CADM2: variants seen among roughly 807,000 people sequenced by gnomAD.
The protein encoded by CADM2 is immunoglobulin superfamily member 4D.
A neutral mutation model predicts 49.8 loss-of-function variants in CADM2; 12 were observed. The ratio of observed to expected loss-of-function variants is 0.24; its 90% CI spans 0.15 to 0.39. The LOEUF is 0.39. Among genes scored for constraint, CADM2 ranks in the 10% least tolerant of loss-of-function variants. The probability of loss-of-function intolerance (pLI) is 1.00; values close to 1 mark genes in which losing one functional copy is unlikely to be tolerated. For missense variants in CADM2, 378 were observed against 492.3 expected (o/e 0.77, Z 2.20); for synonymous variants, 214 against 175.4 (o/e 1.22, Z -1.74).
chr3:85,387,596 T>C (rs892445411), intron 1 of CADM2, among the ~76,000 whole-genome samples: 1 of 152,194 alleles, frequency 6.6e-6, no homozygotes, highest in Non-Finnish European at 1.5e-5. Flanking sequence ...TTCTCTGAAA[T>C]GGAAAATTTA....
At chr3:85,057,087 G>C (rs1478529548) in intron 1 of CADM2, among the ~76,000 whole-genome samples, 2 of 152,088 alleles carry the variant, frequency 1.3e-5, no homozygotes, top group African/African-American at 4.8e-5. Flanking sequence ...TGTTATAAAT[G>C]AACAGAATAT....
intron 1 of CADM2, among the ~76,000 whole-genome samples, chr3:85,219,917 A>G (rs1327967787): frequency 6.6e-6 from 1 of 152,164 alleles, no homozygotes. Context: ...TCTTAAATTT[A>G]TTTTAAGCTT....
intron 1 of CADM2, among the ~76,000 whole-genome samples, chr3:85,053,518 CTG>C (rs2035964764): frequency 6.6e-6 from 1 of 151,822 alleles, no homozygotes; most frequent in South Asian, 2.1e-4. Context: ...ACTTAAGGCT[CTG>C]TGGTGAAAAA....
chr3:85,427,200 A>ATATATATATT lies in CADM2; in HGVS notation c.62-299321_62-299320insATATATATTT, dbSNP rs1491378560. On this transcript the variant is annotated intron_variant, in intron 1 of 9. Coordinates refer to ENST00000383699, the MANE Select transcript of CADM2 (RefSeq NM_001167675.2). ...TATATATATATATATATATATATAT[A>ATATATATATT]TGTATAATAAGTTTGTAGCTACCAT... Among the ~76,000 whole-genome samples the ATATATATATT allele has an allele frequency of 4.3e-4, 54 of 126,600 alleles. No individual in the cohort carries two copies. In the East Asian group the frequency reaches 4.4e-3, roughly 10 times the overall value. 83.1% of individuals were successfully genotyped at this position (126,600 alleles called of 152,430 possible).
intron 1 of CADM2, among the ~76,000 whole-genome samples, chr3:85,274,208 GT>G (rs2043307390): frequency 6.6e-6 from 1 of 150,792 alleles, no homozygotes; most frequent in Admixed American, 6.7e-5. Flanking sequence ...TTTTTGAGGA[GT>G]TTTGATGAGA....
intron 2 of CADM2, among the ~76,000 whole-genome samples, chr3:85,789,791 C>T (rs536821221): frequency 3.9e-5 from 6 of 152,102 alleles, no homozygotes; most frequent in African/African-American, 1.4e-4. Flanking sequence ...GCCATATATT[C>T]GTATTTATTC....
At chr3:85,488,575 A>T (rs1056895111) in intron 1 of CADM2, among the ~76,000 whole-genome samples, 1 of 152,012 alleles carries the variant, frequency 6.6e-6, no homozygotes, top group African/African-American at 2.4e-5. Flanking sequence ...CTCTGTCACC[A>T]GGCTGGAGTG....
At chr3:85,269,851 T>A (rs2043199210) in intron 1 of CADM2, among the ~76,000 whole-genome samples, 1 of 151,426 alleles carries the variant, frequency 6.6e-6, no homozygotes, top group Non-Finnish European at 1.5e-5. Context: ...TTTTTGTTTT[T>A]TGTTTTATCT....
chr3:85,968,681 C>T (rs1489006975), intron 8 of CADM2, among the ~76,000 whole-genome samples: 4 of 151,510 alleles, frequency 2.6e-5, no homozygotes, highest in Admixed American at 1.3e-4. Flanking sequence ...GGCACTCGGT[C>T]CTTCTATATT....
rs559468006 is a variant in CADM2, at chr3:85,766,008, T to A, written c.89-36039T>A. Among the ~76,000 whole-genome samples the A allele has an allele frequency of 1.1e-4, 16 of 152,192 alleles. No individual in the cohort carries two copies. In the South Asian group the frequency reaches 3.1e-3, roughly 30 times the overall value. ...AAAATGTGCATATTTCCTGAACCAGTTCCTGGTGTCTAAATGGCATGCAAC... is the reference window on the plus strand; with the variant it reads ...AAAATGTGCATATTTCCTGAACCAGATCCTGGTGTCTAAATGGCATGCAAC... On this transcript the variant is annotated intron_variant, in intron 2 of 9. Transcript: ENST00000383699.
intron 7 of CADM2, 52 bp downstream of exon 7, chr3:85,935,909 C>A: frequency 9.4e-7 from 1 of 1,063,124 alleles, no homozygotes; most frequent in Non-Finnish European, 1.4e-6. Flanking sequence ...TTTTATCTTG[C>A]TTTGATTACA....
chr3:85,613,433 C>T (rs1239396849), intron 1 of CADM2, among the ~76,000 whole-genome samples: 9 of 151,450 alleles, frequency 5.9e-5, no homozygotes, highest in Admixed American at 3.3e-4. Flanking sequence ...GGAACCAATT[C>T]GTTGCAAAAA....
At chr3:85,213,370 T>G (rs762521896) in intron 1 of CADM2, among the ~76,000 whole-genome samples, 16 of 152,050 alleles carry the variant, frequency 1.1e-4, no homozygotes, top group Non-Finnish European at 1.8e-4. Context: ...TTCTTTTTCC[T>G]TTACAACTTT....
At chr3:84,980,310 C>A (rs2032093085) in intron 1 of CADM2, among the ~76,000 whole-genome samples, 1 of 152,112 alleles carries the variant, frequency 6.6e-6, no homozygotes, top group Non-Finnish European at 1.5e-5. Context: ...TTACAATTGC[C>A]ATGGAAAGAA....
intron 1 of CADM2, among the ~76,000 whole-genome samples, chr3:85,345,814 G>T (rs919065854): frequency 7.2e-5 from 11 of 152,134 alleles, no homozygotes; most frequent in African/African-American, 2.7e-4. Flanking sequence ...TTTGATGGTC[G>T]TAATTTGGTC....
chr3:85,829,062 A>G (rs1266430483), intron 3 of CADM2, among the ~76,000 whole-genome samples: 4 of 152,140 alleles, frequency 2.6e-5, no homozygotes, highest in South Asian at 2.1e-4. Context: ...TAATAAAACT[A>G]TATCTCTACT....
intron 1 of CADM2, among the ~76,000 whole-genome samples, chr3:85,133,412 C>T (rs565779896): frequency 6.6e-6 from 1 of 152,286 alleles, no homozygotes; most frequent in Admixed American, 6.5e-5. Flanking sequence ...ACTAGATTAA[C>T]TAGTTACAGA....
intron 1 of CADM2, among the ~76,000 whole-genome samples, chr3:85,714,270 T>C (rs1042239082): frequency 4.6e-5 from 7 of 152,204 alleles, no homozygotes; most frequent in Admixed American, 3.9e-4. Context: ...GCATTTATGT[T>C]TGCTCAATGA....
intron 1 of CADM2, among the ~76,000 whole-genome samples, chr3:85,140,462 G>A (rs1348988318): frequency 6.6e-6 from 1 of 152,112 alleles, no homozygotes; most frequent in Non-Finnish European, 1.5e-5. Flanking sequence ...ATGTACATTG[G>A]TAGTATATCT....
Sources: gnomAD v4.1 joint callset for allele counts (sites outside exome capture counted in the v4.1 genomes callset) on GRCh38, gnomAD v4.1.1 for gene constraint, MANE v1.5 for transcripts, NCBI Gene and HGNC (gene_info 2026-07-23, HGNC 2026-07-21) for gene names.